The following SLC12A1 variants were observed in gnomAD, a reference collection of about 807,000 sequenced individuals.
SLC12A1 encodes the protein solute carrier family 12 member 1.
Under a neutral mutation model 130.4 loss-of-function variants are expected in SLC12A1, and 89 were observed. The observed-to-expected ratio is 0.68, with a 90% CI of 0.58 to 0.81. SLC12A1 has a LOEUF of 0.81. Among genes scored for constraint, SLC12A1 ranks in the 40% least tolerant of loss-of-function variants. The probability of loss-of-function intolerance (pLI) is 0.00; values close to 1 mark genes in which losing one functional copy is unlikely to be tolerated. For synonymous variants in SLC12A1, 499 were observed against 460.0 expected (o/e 1.08, Z -1.09); for missense variants, 1,310 against 1,336.4 (o/e 0.98, Z 0.31).
intron 2 of SLC12A1, among the ~76,000 whole-genome samples, chr15:48,216,803 A>G (rs1270933662): frequency 6.6e-6 from 1 of 152,244 alleles, no homozygotes; most frequent in Non-Finnish European, 1.5e-5. Context: ...GAAAAAAATG[A>G]AAGTTACATT....
At chr15:48,251,533 G>C (rs906563798) in intron 14 of SLC12A1, 82 bp from the exon 15 acceptor site, 19 of 1,082,016 alleles carry the variant, frequency 1.8e-5, no homozygotes, top group Non-Finnish European at 2.6e-5. Flanking sequence ...CAGGAAAAAG[G>C]CATGTTACCT....
At chr15:48,251,319 T>C (rs1365859659) in intron 14 of SLC12A1, among the ~76,000 whole-genome samples, 3 of 151,686 alleles carry the variant, frequency 2.0e-5, no homozygotes, top group Non-Finnish European at 4.4e-5. Flanking sequence ...TACTAGATGC[T>C]TAAGGTTTGG....
At chr15:48,275,746 C>A (rs1037158265) in intron 20 of SLC12A1, among the ~76,000 whole-genome samples, 2 of 152,064 alleles carry the variant, frequency 1.3e-5, no homozygotes, top group Non-Finnish European at 2.9e-5. Flanking sequence ...AAGTAGGAAG[C>A]CGACAATAGT....
intron 14 of SLC12A1, among the ~76,000 whole-genome samples, chr15:48,251,156 AC>A (rs1312015644): frequency 6.6e-6 from 1 of 151,886 alleles, no homozygotes; most frequent in Non-Finnish European, 1.5e-5. Context: ...AAGCAGATTG[AC>A]CCTTGATGAC....
At chr15:48,275,888 A>T (rs921930878) in intron 20 of SLC12A1, among the ~76,000 whole-genome samples, 2 of 152,226 alleles carry the variant, frequency 1.3e-5, no homozygotes, top group African/African-American at 4.8e-5. Context: ...TAAGGTGGTC[A>T]AACTTGGGTT....
In SLC12A1 at chr15:48,302,436, A is replaced by C. The variant is rs549549173; in HGVS notation, c.3165-314A>C. Among the ~76,000 whole-genome samples, 83 of 151,052 alleles carry C rather than the reference A, an allele frequency of 5.5e-4. 1 individual carries two copies. The highest frequency in any genetic ancestry group is 4.2e-3 in the South Asian group (20 of 4,740). The stretch of plus-strand genomic sequence containing the variant: ...GAGATCGAGACCATCCTGGCTAACA[A>C]GGTGAAACCCCGTCTCTACTAAAAA... On this transcript the variant is annotated intron_variant, in intron 26 of 26. Coordinates refer to ENST00000380993, the MANE Select transcript of SLC12A1 (RefSeq NM_000338.3).
intron 20 of SLC12A1, among the ~76,000 whole-genome samples, chr15:48,277,608 T>TG (rs924891767): frequency 6.6e-6 from 1 of 152,216 alleles, no homozygotes; most frequent in Non-Finnish European, 1.5e-5. Flanking sequence ...AACCCAGTTG[T>TG]GGTTGTCCAG....
At position 48,291,640 on chromosome 15, in the gene SLC12A1, C is replaced by T. The variant is rs2291341; in HGVS notation, c.2874-138C>T. ...CAAGTACTGTAATGAAAATCAAACA[C>T]CAACCAAAAAGCCTCTGTCTGAAAG... On this transcript the variant is annotated intron_variant, in intron 23 of 26. Transcript: ENST00000380993. 2.5e-3 allele frequency: 1,609 copies of T among 645,920 alleles called. 20 individuals carry two copies. The East Asian group carries it at 0.043, about 17-fold the overall frequency. The allele number at this position is 645,920 out of a possible 1,614,324, so 40.0% of individuals were successfully genotyped here.
chr15:48,208,202 CTT>C (rs2041005549), intron 2 of SLC12A1, 63 bp downstream of exon 2: 2 of 1,443,516 alleles, frequency 1.4e-6, no homozygotes, highest in Non-Finnish European at 1.9e-6. Flanking sequence ...ATTTCCTTCT[CTT>C]TCATTACACT....
intron 11 of SLC12A1, among the ~76,000 whole-genome samples, chr15:48,245,212 G>C (rs533526073): frequency 6.6e-6 from 1 of 152,322 alleles, no homozygotes; most frequent in East Asian, 1.9e-4. Context: ...ACCTAGATTA[G>C]TTAGCACTTG....
chr15:48,226,353 A>G, intron 4 of SLC12A1, 123 bp from the exon 5 acceptor site: 1 of 604,066 alleles, frequency 1.7e-6, no homozygotes. Flanking sequence ...AGCACAAAGA[A>G]ACCCCGTTGG....
intron 16 of SLC12A1, among the ~76,000 whole-genome samples, chr15:48,256,144 C>A (rs2041704786): frequency 6.6e-6 from 1 of 152,194 alleles, no homozygotes; most frequent in Non-Finnish European, 1.5e-5. Flanking sequence ...CCAGGTGTCA[C>A]CTTCCATGCG....
intron 17 of SLC12A1, among the ~76,000 whole-genome samples, chr15:48,263,637 TA>T (rs72169413): frequency 0.08 from 12,145 of 151,836 alleles, 1,019 homozygotes; most frequent in African/African-American, 0.21. Flanking sequence ...AGTCCCTGCC[TA>T]AAAAAAGAAA....
At chr15:48,290,627 T>C (rs2042109176) in intron 23 of SLC12A1, among the ~76,000 whole-genome samples, 2 of 152,204 alleles carry the variant, frequency 1.3e-5, no homozygotes, top group Non-Finnish European at 2.9e-5. Context: ...AGTTCCATTA[T>C]AATCTTATGG....
In SLC12A1 at chr15:48,291,050, A is replaced by C. The variant is rs186783673; in HGVS notation, c.2874-728A>C. ...GTGCCTAATATCTGCAACTGACTTTAAAAGATTAGAGTAGATAGGTAGATA... is the reference window on the plus strand; with the variant it reads ...GTGCCTAATATCTGCAACTGACTTTCAAAGATTAGAGTAGATAGGTAGATA... On this transcript the variant is annotated intron_variant, in intron 23 of 26. Coordinates refer to ENST00000380993, the MANE Select transcript of SLC12A1 (RefSeq NM_000338.3). 2.2e-3 allele frequency among the ~76,000 whole-genome samples: 336 copies of C among 152,046 alleles called. 2 individuals carry two copies. The highest frequency in any genetic ancestry group is 7.8e-3 in the African/African-American group (323 of 41,540).
In SLC12A1 at chr15:48,263,630, C is replaced by T. The variant is rs187428824; in HGVS notation, c.2155-3931C>T. 3.0e-3 allele frequency among the ~76,000 whole-genome samples: 443 copies of T among 149,794 alleles called. 2 individuals are homozygous for T. Among genetic ancestry groups the T allele is most frequent in the Non-Finnish European group, 4.8e-3 (323 of 67,920 alleles). ...ACATTTTGGGCCAGATGCAGTGAGT[C>T]CCTGCCTAAAAAAAGAAAAAAAATT... On this transcript the variant is annotated intron_variant, in intron 17 of 26. Coordinates refer to ENST00000380993, the MANE Select transcript of SLC12A1 (RefSeq NM_000338.3).
At chr15:48,253,802 T>G (rs1209887865) in intron 15 of SLC12A1, among the ~76,000 whole-genome samples, 3 of 152,246 alleles carry the variant, frequency 2.0e-5, no homozygotes, top group Non-Finnish European at 4.4e-5. Flanking sequence ...TCCTAGATGC[T>G]CCACGTGTTT....
intron 6 of SLC12A1, 64 bp downstream of exon 6, chr15:48,229,392 G>C: frequency 1.4e-6 from 2 of 1,472,340 alleles, no homozygotes; most frequent in African/African-American, 2.8e-5. Context: ...GCCTTCTCAG[G>C]GCACTAAGGG....
At chr15:48,292,556 C>T (rs964981237) in intron 24 of SLC12A1, among the ~76,000 whole-genome samples, 1 of 152,166 alleles carries the variant, frequency 6.6e-6, no homozygotes, top group Admixed American at 6.5e-5. Context: ...TACCAAAATG[C>T]GATGGACTGG....
Sources: allele counts gnomAD v4.1 joint callset (sites outside exome capture counted in the v4.1 genomes callset), GRCh38; gene constraint gnomAD v4.1.1; transcripts MANE v1.5; gene names NCBI Gene and HGNC (gene_info 2026-07-23, HGNC 2026-07-21).